The following PPP6R3 variants were observed in gnomAD, a reference collection of about 807,000 sequenced individuals.
The protein encoded by PPP6R3 is protein phosphatase 6 regulatory subunit 3.
A neutral mutation model predicts 110.7 loss-of-function variants in PPP6R3; 38 were observed. That is an observed-to-expected ratio of 0.34 (90% confidence interval 0.26 to 0.45). The LOEUF (loss-of-function observed/expected upper bound fraction) is 0.45. Ranked by LOEUF, PPP6R3 falls within the 20% of genes least tolerant of loss-of-function variation. PPP6R3 has a pLI of 1.00. For missense variants in PPP6R3, 870 were observed against 1,062.4 expected (o/e 0.82, Z 2.52); for synonymous variants, 369 against 373.5 (o/e 0.99, Z 0.14).
At chr11:68,592,548 C>G (rs2099598801) in intron 18 of PPP6R3, among the ~76,000 whole-genome samples, 2 of 152,162 alleles carry the variant, frequency 1.3e-5, no homozygotes, top group South Asian at 4.1e-4. Flanking sequence ...CAGGTTATAG[C>G]AGACTCAGCG....
Position 68,613,573 on chromosome 11 carries a change from G to C in PPP6R3, c.*456G>C. 1 of 986,006 alleles carries C rather than the reference G, an allele frequency of 1.0e-6. No homozygotes were observed. Among genetic ancestry groups the C allele is most frequent in the Non-Finnish European group, 1.2e-6 (1 of 830,164 alleles). The allele number at this position is 986,006 out of a possible 1,614,324, so 61.1% of individuals were successfully genotyped here. The stretch of plus-strand genomic sequence containing the variant: ...AATTATGAATTCATTTTTCCTCCAG[G>C]CCGACAAGGAGTTGTAGAATGAAAA... On this transcript the variant is annotated 3_prime_UTR_variant, in exon 24 of 24. Coordinates refer to ENST00000393800, the MANE Select transcript of PPP6R3 (RefSeq NM_001164161.2).
chr11:68,476,537 T>A (rs1169461439), intron 1 of PPP6R3, among the ~76,000 whole-genome samples: 1 of 152,192 alleles, frequency 6.6e-6, no homozygotes, highest in East Asian at 1.9e-4. Context: ...TCAACCTTTT[T>A]ATATACTTAT....
intron 1 of PPP6R3, among the ~76,000 whole-genome samples, chr11:68,476,978 A>G (rs968221581): frequency 6.6e-6 from 1 of 151,892 alleles, no homozygotes; most frequent in Non-Finnish European, 1.5e-5. Flanking sequence ...GTAGTAAGCT[A>G]TGATTGCACC....
chr11:68,513,270 CAGTT>C (rs2099119882), intron 1 of PPP6R3, among the ~76,000 whole-genome samples: 2 of 152,100 alleles, frequency 1.3e-5, no homozygotes, highest in South Asian at 4.1e-4. Flanking sequence ...CATATCTTAC[CAGTT>C]CTGTCTTGCT....
At chr11:68,504,900 A>G (rs982685149) in intron 1 of PPP6R3, among the ~76,000 whole-genome samples, 1 of 152,198 alleles carries the variant, frequency 6.6e-6, no homozygotes, top group Non-Finnish European at 1.5e-5. Flanking sequence ...CAGTAGACCA[A>G]ATCAGCCTCC....
At position 68,486,603 on chromosome 11, in the gene PPP6R3, T is replaced by TAAA. The variant is rs61408861; in HGVS notation, c.-158+25799_-158+25801dup. Among the ~76,000 whole-genome samples the TAAA allele has an allele frequency of 2.2e-3, 251 of 111,664 alleles. 1 individual carries two copies. The highest frequency in any genetic ancestry group is 8.3e-3 in the African/African-American group (239 of 28,966). 73.3% of individuals were successfully genotyped at this position (111,664 alleles called of 152,430 possible). On this transcript the variant is annotated intron_variant, in intron 1 of 23. Transcript: ENST00000393800. ...TGGGCGACAGAGCAAGACTCTGTCTTAAAAAAAAAAAAAAAAAAAAAAAAA... is the reference window on the plus strand; with the variant it reads ...TGGGCGACAGAGCAAGACTCTGTCTTAAAAAAAAAAAAAAAAAAAAAAAAAAAA...
Position 68,596,101 on chromosome 11 carries a change from G to T in PPP6R3, c.1921G>T (p.Gly641Trp), listed in dbSNP as rs762108070. The T allele has an allele frequency of 6.2e-6, 10 of 1,614,148 alleles. No homozygotes were observed. Among genetic ancestry groups the T allele is most frequent in the Non-Finnish European group, 8.5e-6 (10 of 1,180,014 alleles). Residue 641 changes from glycine to tryptophan, a missense_variant, in exon 19 of 24, where the codon GGG becomes TGG. Gly to Trp is a radical substitution (Grantham distance 184, BLOSUM62 -2). Transcript: ENST00000393800. ...TPESQRRSSS[G>W]STDSEESTDS... is the part of the protein sequence containing the mutation. Reference sequence around the variant, plus strand: ...TTGGGTCTTGTTTTTCCTTAGCTCGGGGAGTACAGACAGTGAGGAAAGTAC... The same window carrying T: ...TTGGGTCTTGTTTTTCCTTAGCTCGTGGAGTACAGACAGTGAGGAAAGTAC...
chr11:68,567,012 A>G lies in PPP6R3; in HGVS notation c.976-2A>G. 1.3e-6 allele frequency: 2 copies of G among 1,535,730 alleles called. No homozygotes were observed. The highest frequency in any genetic ancestry group is 1.3e-5 in the South Asian group (1 of 79,982). On this transcript the variant is annotated splice_acceptor_variant, in intron 9 of 23. Coordinates refer to ENST00000393800, the MANE Select transcript of PPP6R3 (RefSeq NM_001164161.2). LOFTEE classifies it high-confidence loss of function. ...TTAATTGGAAAGCTTTTTCTTCTTC[A>G]GAAAAGTGTGATGAAGACCACATGG...
chr11:68,494,133 A>G (rs71459702), intron 1 of PPP6R3, among the ~76,000 whole-genome samples: 1 of 68 alleles, frequency 0.015, no homozygotes, highest in African/African-American at 0.056. Context: ...AATAAAAAAG[A>G]TAATTAGATT....
intron 2 of PPP6R3, among the ~76,000 whole-genome samples, chr11:68,525,664 A>AT (rs979070623): frequency 2.0e-5 from 3 of 152,108 alleles, no homozygotes; most frequent in African/African-American, 4.8e-5. Context: ...CTTTTGAAAG[A>AT]TTTTTTTGTG....
chr11:68,564,501 C>A (rs901627354), intron 9 of PPP6R3, 69 bp downstream of exon 9: 3 of 1,546,680 alleles, frequency 1.9e-6, no homozygotes, highest in African/African-American at 1.4e-5. Flanking sequence ...CGAATGTGTA[C>A]GGGCCTTAGG....
intron 1 of PPP6R3, among the ~76,000 whole-genome samples, chr11:68,488,105 A>G (rs2098959909): frequency 6.6e-6 from 1 of 152,216 alleles, no homozygotes. Context: ...CTTTATCATT[A>G]TGTAATACCT....
At chr11:68,493,753 G>A (rs1450705364) in intron 1 of PPP6R3, among the ~76,000 whole-genome samples, 3 of 151,280 alleles carry the variant, frequency 2.0e-5, no homozygotes, top group Admixed American at 6.6e-5. Flanking sequence ...CACTGCACCT[G>A]GCCAAGGTAC....
chr11:68,479,400 T>C (rs1306077082), intron 1 of PPP6R3, among the ~76,000 whole-genome samples: 1 of 152,190 alleles, frequency 6.6e-6, no homozygotes, highest in Non-Finnish European at 1.5e-5. Context: ...TTAAAAATGT[T>C]TGGATTTTGG....
chr11:68,510,112 C>T (rs1334646818), intron 1 of PPP6R3, among the ~76,000 whole-genome samples: 3 of 118,572 alleles, frequency 2.5e-5, no homozygotes, highest in Non-Finnish European at 4.8e-5. Context: ...CACCATGTTG[C>T]TCATGGTGTC....
intron 3 of PPP6R3, among the ~76,000 whole-genome samples, chr11:68,544,378 TC>T (rs2099337637): frequency 6.6e-6 from 1 of 152,202 alleles, no homozygotes; most frequent in South Asian, 2.1e-4. Context: ...CTGGTCCAGG[TC>T]CCTACAGAGT....
chr11:68,505,083 T>G (rs1314831245), intron 1 of PPP6R3: 1 of 152,222 alleles, frequency 6.6e-6, no homozygotes, highest in African/African-American at 2.4e-5. Flanking sequence ...TCTAAAGGAA[T>G]GAAGAATTTT....
chr11:68,538,932 C>T (rs1052712340), intron 3 of PPP6R3, among the ~76,000 whole-genome samples: 1 of 152,162 alleles, frequency 6.6e-6, no homozygotes, highest in Non-Finnish European at 1.5e-5. Flanking sequence ...CCAACCTGGC[C>T]AACATGGTGA....
chr11:68,488,465 C>T (rs182863325), intron 1 of PPP6R3: 2 of 152,250 alleles, frequency 1.3e-5, no homozygotes, highest in African/African-American at 4.8e-5. Context: ...TGAGCCCAGC[C>T]CCCCATTCCT....
Sources: allele counts gnomAD v4.1 joint callset (sites outside exome capture counted in the v4.1 genomes callset), GRCh38; gene constraint gnomAD v4.1.1; transcripts MANE v1.5; gene names NCBI Gene and HGNC (gene_info 2026-07-23, HGNC 2026-07-21).